PTPN5: variants seen among roughly 807,000 people sequenced by gnomAD.
The protein encoded by PTPN5 is tyrosine-protein phosphatase non-receptor type 5.
In PTPN5, 29 loss-of-function variants were observed where a neutral mutation model predicts 73.9. That is an observed-to-expected ratio of 0.39 (90% CI 0.29 to 0.54). The LOEUF (loss-of-function observed/expected upper bound fraction) is 0.54, where lower values mean the gene tolerates loss of function less well. Ranked by LOEUF, PTPN5 falls within the 20% of genes least tolerant of loss-of-function variation. The pLI, the probability that PTPN5 is intolerant of heterozygous loss-of-function variation, is 0.65. For synonymous variants in PTPN5, 267 were observed against 304.7 expected (o/e 0.88, Z 1.29); for missense variants, 652 against 751.4 (o/e 0.87, Z 1.55).
intron 1 of PTPN5, among the ~76,000 whole-genome samples, chr11:18,782,032 A>G (rs957572358): frequency 6.6e-6 from 1 of 152,246 alleles, no homozygotes; most frequent in African/African-American, 2.4e-5. Flanking sequence ...GCCACAGAGT[A>G]GACGTAAGAG....
chr11:18,732,767 T>C, intron 11 of PTPN5, 65 bp from the exon 12 acceptor site: 1 of 1,364,510 alleles, frequency 7.3e-7, no homozygotes, highest in Non-Finnish European at 1.0e-6. Flanking sequence ...CTACACTCTC[T>C]TCAGGGCCAG....
At chr11:18,731,528 C>T (rs1201137434) in intron 12 of PTPN5, among the ~76,000 whole-genome samples, 2 of 152,220 alleles carry the variant, frequency 1.3e-5, no homozygotes, top group African/African-American at 4.8e-5. Flanking sequence ...AGAAGGTGAG[C>T]AGCCCTGCCT....
At position 18,742,949 on chromosome 11, in the gene PTPN5, C is replaced by T; in HGVS notation, c.483+43G>A. On this transcript the variant is annotated intron_variant, in intron 6 of 14. Transcript: ENST00000358540. The surrounding 1 kb of genome is among the most constrained non-coding windows in gnomAD (Gnocchi z 4.1). ...CTGGTAGAAATCCAGGCCTCAAGGT[C>T]AGAGGAGGACAGCCTTGAGGTTGGG... 7.8e-7 allele frequency: 1 copy of T among 1,286,322 alleles called. No individual in the cohort carries two copies. The highest frequency in any genetic ancestry group is 1.1e-6 in the Non-Finnish European group (1 of 905,468). The allele number at this position is 1,286,322 out of a possible 1,614,324, so 79.7% of individuals were successfully genotyped here.
At chr11:18,754,962 A>G (rs1029662779) in intron 3 of PTPN5, among the ~76,000 whole-genome samples, 1 of 152,122 alleles carries the variant, frequency 6.6e-6, no homozygotes, top group Non-Finnish European at 1.5e-5. Flanking sequence ...AGTCCCTCCT[A>G]CGTGGTACCA....
Position 18,729,943 on chromosome 11 carries a change from T to C in PTPN5, c.1330-125A>G, listed in dbSNP as rs1256493903. 5 of 1,293,972 alleles carry C rather than the reference T, an allele frequency of 3.9e-6. No homozygotes were observed. In the East Asian group the frequency reaches 1.2e-4, roughly 32 times the overall value. The allele number at this position is 1,293,972 out of a possible 1,614,324, so 80.2% of individuals were successfully genotyped here. On this transcript the variant is annotated intron_variant, in intron 12 of 14. Coordinates refer to ENST00000358540, the MANE Select transcript of PTPN5 (RefSeq NM_006906.2). This position sits in a 1 kb window ranked among gnomAD's most constrained non-coding sequence, Gnocchi z 5.2. ...GAAGAACACTGAGAGTGGGACCCCT[T>C]CACCCTTCCATCTAGGCCACATTGC... is the stretch of plus-strand genomic sequence containing the variant.
intron 7 of PTPN5, among the ~76,000 whole-genome samples, chr11:18,741,119 T>C (rs894344508): frequency 6.6e-6 from 1 of 152,124 alleles, no homozygotes; most frequent in Non-Finnish European, 1.5e-5. Context: ...TGGAGGAAGT[T>C]CTACCCTGTG....
intron 8 of PTPN5, among the ~76,000 whole-genome samples, chr11:18,740,220 C>T (rs1590504848): frequency 6.6e-6 from 1 of 152,010 alleles, no homozygotes; most frequent in African/African-American, 2.4e-5. Context: ...ATTTCAAAGG[C>T]AGAAGAACAA....
At chr11:18,769,603 G>A (rs778211120) in intron 2 of PTPN5, among the ~76,000 whole-genome samples, 2 of 152,094 alleles carry the variant, frequency 1.3e-5, no homozygotes, top group South Asian at 2.1e-4. Context: ...AGGTTTCACC[G>A]TATTAGTCAG....
chr11:18,770,851 G>A (rs1042591676), intron 2 of PTPN5, among the ~76,000 whole-genome samples: 1 of 152,190 alleles, frequency 6.6e-6, no homozygotes, highest in African/African-American at 2.4e-5. Context: ...AGAAGTTCAC[G>A]GCCAGTGCAG....
intron 3 of PTPN5, among the ~76,000 whole-genome samples, chr11:18,760,748 G>A (rs1564913595): frequency 6.6e-6 from 1 of 152,226 alleles, no homozygotes; most frequent in Admixed American, 6.5e-5. Flanking sequence ...GTTGTCCTTA[G>A]ACCTGGGCCC....
chr11:18,756,294 CT>C (rs552226983), intron 3 of PTPN5, among the ~76,000 whole-genome samples: 31,378 of 110,606 alleles, frequency 0.28, 3,849 homozygotes, highest in Admixed American at 0.42. Flanking sequence ...ACATCCTTCA[CT>C]TTTTTTTTTT....
Position 18,742,413 on chromosome 11 carries a change from T to G in PTPN5, c.574A>C (p.Thr192Pro). 6.2e-7 allele frequency: 1 copy of G among 1,613,908 alleles called. No homozygotes were observed. The highest frequency in any genetic ancestry group is 8.5e-7 in the Non-Finnish European group (1 of 1,179,932). ...RQSVSRQPSF[T>P]YSEWMEEKIE... ...TTCTCCTCCATCCACTCTGAGTAGG[T>G]GAAGGAGGGCTGGCGGCTCACTGAC... Residue 192 changes from threonine to proline, a missense_variant, in exon 7 of 15, where the codon ACC becomes CCC. By Grantham distance (38) the Thr-to-Pro change is conservative (BLOSUM62 -1). This residue lies in a region of PTPN5 where 529 missense variants were observed against 573.9 expected (regional missense o/e 0.92). Transcript: ENST00000358540. The surrounding 1 kb of genome is among the most constrained non-coding windows in gnomAD (Gnocchi z 4.1).
chr11:18,744,186 C>T lies in PTPN5; in HGVS notation c.111G>A (p.Pro37=), dbSNP rs367543235. The T allele has an allele frequency of 6.7e-5, 104 of 1,559,500 alleles. No individual in the cohort carries two copies. The highest frequency in any genetic ancestry group is 6.1e-4 in the South Asian group (51 of 83,374). ...CSERLPGLPQ[P]IVMEALDEAE... Reference sequence around the variant, plus strand: ...CCTCGTCCAGTGCCTCCATCACTATCGGCTGGGGGAGACCTGTGGAAGATG... The same window carrying T: ...CCTCGTCCAGTGCCTCCATCACTATTGGCTGGGGGAGACCTGTGGAAGATG... The change falls in exon 4 of 15, where the codon CCG becomes CCA. Residue 37 remains proline (P), a synonymous_variant. Coordinates refer to ENST00000358540, the MANE Select transcript of PTPN5 (RefSeq NM_006906.2).
intron 12 of PTPN5, among the ~76,000 whole-genome samples, chr11:18,732,387 G>A (rs1414487521): frequency 6.6e-6 from 1 of 152,190 alleles, no homozygotes; most frequent in Non-Finnish European, 1.5e-5. Context: ...ATGTAACTGA[G>A]GACTGGGAAA....
chr11:18,747,926 G>A (rs1849713230), intron 3 of PTPN5, among the ~76,000 whole-genome samples: 1 of 152,156 alleles, frequency 6.6e-6, no homozygotes, highest in African/African-American at 2.4e-5. Context: ...ACAGTAAATG[G>A]GAAGACTAAA....
At chr11:18,759,656 T>C (rs1850304048) in intron 3 of PTPN5, among the ~76,000 whole-genome samples, 1 of 152,226 alleles carries the variant, frequency 6.6e-6, no homozygotes, top group Non-Finnish European at 1.5e-5. Context: ...AAAAAACTCA[T>C]CGTACCATCA....
Position 18,733,098 on chromosome 11 carries a change from C to G in PTPN5, c.1218+137G>C. On this transcript the variant is annotated intron_variant, in intron 11 of 14. Transcript: ENST00000358540. This position sits in a 1 kb window ranked among gnomAD's most constrained non-coding sequence, Gnocchi z 4.3. ...GGGCAAATGACTTAACCTTACCGAG[C>G]CTCACATCTCCTCATCTTGGCAGCG... 1 of 1,317,610 alleles carries G rather than the reference C, an allele frequency of 7.6e-7. No individual in the cohort carries two copies. Among genetic ancestry groups the G allele is most frequent in the South Asian group, 1.4e-5 (1 of 71,682 alleles). 81.6% of individuals were successfully genotyped at this position (1,317,610 alleles called of 1,614,324 possible).
At position 18,742,615 on chromosome 11, in the gene PTPN5, C is replaced by T; in HGVS notation, c.484-112G>A. On this transcript the variant is annotated intron_variant, in intron 6 of 14. Coordinates refer to ENST00000358540, the MANE Select transcript of PTPN5 (RefSeq NM_006906.2). The surrounding 1 kb of genome is among the most constrained non-coding windows in gnomAD (Gnocchi z 4.1). ...CACTCCCTCAGTGTGTCTAGAGCAG[C>T]TCTGCTCTCCTGGGAGTTGTCCACA... 6 of 1,443,180 alleles carry T rather than the reference C, an allele frequency of 4.2e-6. No homozygotes were observed. The highest frequency in any genetic ancestry group is 3.7e-6 in the Non-Finnish European group (4 of 1,076,252). The allele number at this position is 1,443,180 out of a possible 1,614,324, so 89.4% of individuals were successfully genotyped here. A position where few individuals can be genotyped will look rare whatever the true frequency, so the allele number is the denominator to read the frequency against.
chr11:18,783,760 G>A (rs970565722), intron 1 of PTPN5, among the ~76,000 whole-genome samples: 2 of 152,200 alleles, frequency 1.3e-5, no homozygotes, highest in Non-Finnish European at 2.9e-5. Context: ...CTCCTTGCGG[G>A]CAGGGTCCTT....
Sources: allele counts gnomAD v4.1 joint callset (sites outside exome capture counted in the v4.1 genomes callset), GRCh38; gene constraint gnomAD v4.1.1; regional missense constraint gnomAD v4.1.1; non-coding constraint Gnocchi (gnomAD v3.1); transcripts MANE v1.5; gene names NCBI Gene and HGNC (gene_info 2026-07-23, HGNC 2026-07-21).